ZBTB37: variants seen among roughly 807,000 people sequenced by gnomAD.
ZBTB37 encodes zinc finger and BTB domain-containing protein 37.
A neutral mutation model predicts 37.7 loss-of-function variants in ZBTB37; 15 were observed. That is an observed-to-expected ratio of 0.40 (90% CI 0.27 to 0.61). The LOEUF is 0.61. ZBTB37 is among the 20% of genes least tolerant of loss of function. The pLI is 0.44. For missense variants in ZBTB37, 514 were observed against 641.9 expected (o/e 0.80, Z 2.15); for synonymous variants, 231 against 220.6 (o/e 1.05, Z -0.42).
intron 4 of ZBTB37, among the ~76,000 whole-genome samples, chr1:173,874,606 C>T (rs1655815869): frequency 6.6e-6 from 1 of 152,172 alleles, no homozygotes; most frequent in African/African-American, 2.4e-5. Flanking sequence ...CTGCCTCGGC[C>T]TCCCAAAATG....
exon 4 of ZBTB37, chr1:173,902,570 CTTA>C (rs1222696288): frequency 6.6e-6 from 1 of 152,200 alleles, no homozygotes; most frequent in Non-Finnish European, 1.5e-5. Flanking sequence ...CTTTGTGCAT[CTTA>C]TTTCCTAAGA....
At chr1:173,895,533 A>G (rs557251703) in exon 4 of ZBTB37, 2 of 152,304 alleles carry the variant, frequency 1.3e-5, no homozygotes, top group African/African-American at 4.8e-5. Flanking sequence ...AGGAGTTTCT[A>G]TTGGGTGGCT....
rs191870818 is a variant in ZBTB37, at chr1:173,878,493, C to G, written c.1023+4927C>G. ...ATTAGAAAATGGGCAAGGAAGTACC[C>G]AGTACAGCACAATCAACCATCAAAT... is the stretch of plus-strand genomic sequence containing the variant. On this transcript the variant is annotated intron_variant, in intron 4 of 4. Coordinates refer to ENST00000427304, the Ensembl canonical transcript of ZBTB37. Among the ~76,000 whole-genome samples the G allele has an allele frequency of 7.8e-3, 1,184 of 152,168 alleles. 9 individuals are homozygous for G. Among genetic ancestry groups the G allele is most frequent in the Non-Finnish European group, 0.01 (697 of 68,014 alleles).
exon 4 of ZBTB37, chr1:173,900,201 T>C (rs1440964862): frequency 6.6e-6 from 1 of 150,536 alleles, no homozygotes; most frequent in Non-Finnish European, 1.5e-5. Context: ...GTCAGTTAAC[T>C]TTCACTTTTC....
At chr1:173,890,581 T>G (rs1656803807), downstream of ZBTB37, 1 of 152,170 alleles carries the variant, frequency 6.6e-6, no homozygotes, top group Non-Finnish European at 1.5e-5. Flanking sequence ...TTGAAATACT[T>G]TGGTTGCTAA....
chr1:173,885,481 GT>G (rs1656569711), intron 4 of ZBTB37, among the ~76,000 whole-genome samples, 154 bp from the exon 5 acceptor site: 1 of 152,016 alleles, frequency 6.6e-6, no homozygotes, highest in South Asian at 2.1e-4. Context: ...AATTATTATG[GT>G]AATATCTTTA....
intron 4 of ZBTB37, among the ~76,000 whole-genome samples, chr1:173,875,116 ATGTGTGTGTGTGTGTG>A (rs71111072): frequency 2.0e-3 from 280 of 137,116 alleles, no homozygotes; most frequent in African/African-American, 6.0e-3. Context: ...TCTGATTATT[ATGTGTGTGTGTGTGTG>A]TGTGTGTGTG....
chr1:173,886,140 G>T (rs972740779), exon 5 of ZBTB37: 2 of 1,544,266 alleles, frequency 1.3e-6, no homozygotes, highest in East Asian at 4.9e-5. Context: ...CCAGGGGGAG[G>T]GGGCTGACCC....
At chr1:173,880,432 T>C (rs1656233020) in intron 4 of ZBTB37, among the ~76,000 whole-genome samples, 1 of 152,234 alleles carries the variant, frequency 6.6e-6, no homozygotes, top group Non-Finnish European at 1.5e-5. Flanking sequence ...TTGAAGTCCA[T>C]GTCAAGAATC....
At chr1:173,884,360 A>G (rs912470927) in intron 4 of ZBTB37, among the ~76,000 whole-genome samples, 4 of 151,972 alleles carry the variant, frequency 2.6e-5, no homozygotes, top group East Asian at 1.9e-4. Context: ...GTCTTGCTAT[A>G]TTGCCCAGGC....
chr1:173,873,755 G>A (rs1190891371), intron 4 of ZBTB37, 189 bp downstream of exon 4: 1 of 919,256 alleles, frequency 1.1e-6, no homozygotes, highest in Non-Finnish European at 1.5e-6. Flanking sequence ...CACCAGAAAG[G>A]AAAATTGCAG....
chr1:173,874,166 A>G (rs1447028856), intron 4 of ZBTB37, among the ~76,000 whole-genome samples: 1 of 151,038 alleles, frequency 6.6e-6, no homozygotes, highest in Non-Finnish European at 1.5e-5. Context: ...GAGGCAGGAC[A>G]ATGGCTTGAA....
At position 173,871,115 on chromosome 1, in the gene ZBTB37, A is replaced by G. The variant is rs147381545; in HGVS notation, c.890A>G (p.Lys297Arg). ...TATACTTTAGGGTCTTCAGGAGCCA[A>G]GGTGGCTCGGCCAACAAGCAGTGAA... Residue 297 changes from lysine to arginine, a missense_variant, in exon 3 of 5, where the codon AAG (lysine) becomes AGG (arginine). Lys to Arg is a conservative substitution (Grantham distance 26, BLOSUM62 2). This residue lies in a region of ZBTB37 where 323 missense variants were observed against 321.9 expected (regional missense o/e 1.00). Transcript: ENST00000427304. 5 of 1,610,846 alleles carry G rather than the reference A, an allele frequency of 3.1e-6. No homozygotes were observed. The African/African-American group carries it at 5.3e-5, about 17-fold the overall frequency.
chr1:173,888,623 T>C (rs370830072), downstream of ZBTB37: 40 of 152,004 alleles, frequency 2.6e-4, no homozygotes, highest in East Asian at 2.5e-3. Flanking sequence ...AGACGGTGTC[T>C]CTACAAAATT....
intron 3 of ZBTB37, 94 bp downstream of exon 3, chr1:173,871,242 T>C: frequency 8.1e-7 from 1 of 1,241,224 alleles, no homozygotes; most frequent in Non-Finnish European, 1.1e-6. Flanking sequence ...TTTCCTTACC[T>C]GATTTTCTTG....
chr1:173,895,344 C>G (rs1022055029), exon 4 of ZBTB37: 4 of 152,198 alleles, frequency 2.6e-5, no homozygotes, highest in Non-Finnish European at 5.9e-5. Context: ...CTCAAGAGAT[C>G]CACCTTCCTC....
intron 4 of ZBTB37, among the ~76,000 whole-genome samples, chr1:173,875,565 G>A (rs1190165546): frequency 6.6e-6 from 1 of 151,750 alleles, no homozygotes; most frequent in Non-Finnish European, 1.5e-5. Flanking sequence ...GAACTCAGGT[G>A]ATCCACCCAC....
exon 2 of ZBTB37, chr1:173,869,023 T>G (rs1380327050): frequency 6.6e-6 from 1 of 152,636 alleles, no homozygotes; most frequent in Admixed American, 6.5e-5. Flanking sequence ...GGCGCTGGTG[T>G]AGGCTCCAAA....
intron 4 of ZBTB37, among the ~76,000 whole-genome samples, chr1:173,880,886 C>T (rs1656259986): frequency 2.0e-5 from 3 of 151,690 alleles, no homozygotes; most frequent in Admixed American, 2.0e-4. Flanking sequence ...AATGCATTTA[C>T]TTTCTGCATG....
Sources: gnomAD v4.1 joint callset for allele counts (sites outside exome capture counted in the v4.1 genomes callset) on GRCh38, gnomAD v4.1.1 for gene constraint, gnomAD v4.1.1 regional missense constraint, MANE v1.5 for transcripts, NCBI Gene and HGNC (gene_info 2026-07-23, HGNC 2026-07-21) for gene names.